The following EFR3A variants were observed in gnomAD, a reference collection of about 807,000 sequenced individuals.
The protein encoded by EFR3A is EFR3 homolog A, also known as protein EFR3 homolog A.
Under a neutral mutation model 104.4 loss-of-function variants are expected in EFR3A, and 76 were observed. The ratio of observed to expected loss-of-function variants is 0.73; its 90% CI spans 0.60 to 0.88. EFR3A has a LOEUF of 0.88. Among genes scored for constraint, EFR3A ranks in the 40% least tolerant of loss-of-function variants. The probability of loss-of-function intolerance (pLI) is 0.00; values close to 1 mark genes in which losing one functional copy is unlikely to be tolerated. For synonymous variants in EFR3A, 330 were observed against 330.0 expected (o/e 1.00, Z 0.00); for missense variants, 985 against 1,012.5 (o/e 0.97, Z 0.37).
chr8:131,926,946 C>G (rs1817329395), intron 1 of EFR3A, among the ~76,000 whole-genome samples: 1 of 151,942 alleles, frequency 6.6e-6, no homozygotes, highest in Admixed American at 6.6e-5. Flanking sequence ...TTCACATTTC[C>G]AAGGTTGCAT....
At chr8:132,005,553 C>G (rs1016715676) in intron 22 of EFR3A, among the ~76,000 whole-genome samples, 13 of 151,902 alleles carry the variant, frequency 8.6e-5, no homozygotes, top group Admixed American at 5.3e-4. Flanking sequence ...ACCCCCCACC[C>G]AGGCCCCACA....
At chr8:131,928,472 G>C (rs965324500) in intron 1 of EFR3A, among the ~76,000 whole-genome samples, 1 of 152,002 alleles carries the variant, frequency 6.6e-6, no homozygotes, top group African/African-American at 2.4e-5. Flanking sequence ...CTGTATTTTA[G>C]ATAGCAGACT....
At chr8:131,909,225 CT>C (rs1345128726) in intron 1 of EFR3A, among the ~76,000 whole-genome samples, 6 of 152,122 alleles carry the variant, frequency 3.9e-5, no homozygotes, top group East Asian at 3.9e-4. Flanking sequence ...ATAACCGGAA[CT>C]TTTTTTTCCC....
chr8:131,964,110 A>G (rs1207335431), intron 8 of EFR3A, among the ~76,000 whole-genome samples: 1 of 152,178 alleles, frequency 6.6e-6, no homozygotes, highest in African/African-American at 2.4e-5. Flanking sequence ...CCCACAGCCA[A>G]TATCATACTG....
intron 17 of EFR3A, among the ~76,000 whole-genome samples, chr8:131,986,996 T>A (rs914615623): frequency 3.3e-5 from 5 of 152,136 alleles, no homozygotes; most frequent in African/African-American, 9.7e-5. Context: ...AAAATCCGTG[T>A]TATTTCCTGC....
At chr8:131,951,184 T>G (rs895369251) in intron 5 of EFR3A, among the ~76,000 whole-genome samples, 5 of 152,144 alleles carry the variant, frequency 3.3e-5, no homozygotes, top group African/African-American at 1.2e-4. Flanking sequence ...AAATGTTATT[T>G]TAACTTGGAG....
At chr8:131,950,573 C>A (rs939841805) in intron 5 of EFR3A, among the ~76,000 whole-genome samples, 1 of 152,124 alleles carries the variant, frequency 6.6e-6, no homozygotes. Flanking sequence ...TCACCTCTCT[C>A]ATTCTACCCC....
At chr8:131,931,280 C>G (rs1817597693) in intron 1 of EFR3A, among the ~76,000 whole-genome samples, 1 of 152,006 alleles carries the variant, frequency 6.6e-6, no homozygotes, top group Admixed American at 6.6e-5. Flanking sequence ...CCAAGGCAAC[C>G]TTGTACAATT....
intron 19 of EFR3A, among the ~76,000 whole-genome samples, chr8:131,999,520 T>A (rs1031317933): frequency 6.6e-6 from 1 of 152,222 alleles, no homozygotes; most frequent in African/African-American, 2.4e-5. Context: ...ATGTTGAAAT[T>A]CCTTTAGGAT....
At chr8:131,921,104 G>T (rs1367795328) in intron 1 of EFR3A, among the ~76,000 whole-genome samples, 1 of 152,154 alleles carries the variant, frequency 6.6e-6, no homozygotes, top group Non-Finnish European at 1.5e-5. Flanking sequence ...TTAGAATTTG[G>T]TGTATTAGTT....
intron 1 of EFR3A, among the ~76,000 whole-genome samples, chr8:131,910,085 T>C (rs2130376741): frequency 6.6e-6 from 1 of 152,304 alleles, no homozygotes; most frequent in African/African-American, 2.4e-5. Flanking sequence ...GTTCCCCTCC[T>C]TTGATACTGT....
chr8:131,983,185 A>T (rs531158848), intron 14 of EFR3A, among the ~76,000 whole-genome samples: 3 of 152,324 alleles, frequency 2.0e-5, no homozygotes, highest in Admixed American at 2.0e-4. Context: ...TTGGAATATT[A>T]AGCCTAAAGT....
intron 1 of EFR3A, among the ~76,000 whole-genome samples, chr8:131,905,917 G>A (rs1816236948): frequency 6.6e-6 from 1 of 152,212 alleles, no homozygotes; most frequent in African/African-American, 2.4e-5. Flanking sequence ...AGTGGATATA[G>A]TAAACTCGTT....
At chr8:131,980,015 G>A (rs1377274821) in intron 14 of EFR3A, among the ~76,000 whole-genome samples, 5 of 152,014 alleles carry the variant, frequency 3.3e-5, no homozygotes, top group African/African-American at 4.8e-5. Context: ...GTTATTATTC[G>A]TCCAAAGCTT....
chr8:131,961,510 A>G (rs1819325784), intron 8 of EFR3A, among the ~76,000 whole-genome samples: 2 of 152,170 alleles, frequency 1.3e-5, no homozygotes, highest in South Asian at 4.1e-4. Context: ...AAGTTTAGAG[A>G]AAAAAGAATA....
chr8:132,002,887 T>C lies in EFR3A; in HGVS notation c.2310+181T>C, dbSNP rs76514018. On this transcript the variant is annotated intron_variant, in intron 21 of 22. Coordinates refer to ENST00000254624, the MANE Select transcript of EFR3A (RefSeq NM_015137.6). ...AGACCTAAATAATTTCTTTGTATGA[T>C]GTAAGCTGATGGAAATAGTGGAACT... Among the ~76,000 whole-genome samples, 194 of 152,330 alleles carry C rather than the reference T, an allele frequency of 1.3e-3. 5 individuals are homozygous for C. The East Asian group carries it at 0.031, about 24-fold the overall frequency.
chr8:131,970,232 G>A (rs1819973510), intron 9 of EFR3A, among the ~76,000 whole-genome samples: 1 of 152,120 alleles, frequency 6.6e-6, no homozygotes, highest in Non-Finnish European at 1.5e-5. Context: ...TTTTAAGGGT[G>A]GAACCAGAGA....
intron 8 of EFR3A, among the ~76,000 whole-genome samples, chr8:131,964,321 C>T (rs1819570027): frequency 6.6e-6 from 1 of 152,054 alleles, no homozygotes. Context: ...ATCTAAAAAA[C>T]CCCATCATCT....
chr8:131,955,637 T>A, intron 6 of EFR3A, 131 bp from the exon 7 acceptor site: 1 of 884,900 alleles, frequency 1.1e-6, no homozygotes, highest in South Asian at 2.0e-5. Context: ...GAAATTAGAA[T>A]TAAGCTATAT....
Sources: allele counts gnomAD v4.1 joint callset (sites outside exome capture counted in the v4.1 genomes callset), GRCh38; gene constraint gnomAD v4.1.1; transcripts MANE v1.5; gene names NCBI Gene and HGNC (gene_info 2026-07-23, HGNC 2026-07-21).